The following RALGAPA2 variants were observed in gnomAD, a reference collection of about 807,000 sequenced individuals.
The protein encoded by RALGAPA2 is Ral GTPase activating protein catalytic subunit alpha 2.
Under a neutral mutation model 230.4 loss-of-function variants are expected in RALGAPA2, and 139 were observed. The ratio of observed to expected loss-of-function variants is 0.60; its 90% confidence interval spans 0.53 to 0.69. RALGAPA2 has a LOEUF of 0.69. Ranked by LOEUF, RALGAPA2 falls within the 30% of genes least tolerant of loss-of-function variation. RALGAPA2 has a pLI of 0.00. For missense variants in RALGAPA2, 2,163 were observed against 2,276.0 expected (o/e 0.95, Z 1.01); for synonymous variants, 847 against 837.8 (o/e 1.01, Z -0.19).
At position 20,620,449 on chromosome 20, in the gene RALGAPA2, G is replaced by A; in HGVS notation, c.1401+14C>T. ...TATTTACCCTCAACTCAAAAGACAA[G>A]TGAAAAAAATTACCTCCTTGCTATC... On this transcript the variant is annotated intron_variant, in intron 11 of 39. Transcript: ENST00000202677. 6.2e-7 allele frequency: 1 copy of A among 1,611,786 alleles called. No individual in the cohort carries two copies. The highest frequency in any genetic ancestry group is 2.2e-5 in the East Asian group (1 of 44,846).
At chr20:20,630,092 G>A (rs1397539376) in intron 9 of RALGAPA2, among the ~76,000 whole-genome samples, 3 of 152,132 alleles carry the variant, frequency 2.0e-5, no homozygotes, top group African/African-American at 4.8e-5. Flanking sequence ...TTTATCAGAA[G>A]AATGCTGATC....
At chr20:20,606,329 C>T (rs1392301986) in intron 14 of RALGAPA2, among the ~76,000 whole-genome samples, 1 of 152,174 alleles carries the variant, frequency 6.6e-6, no homozygotes, top group African/African-American at 2.4e-5. Context: ...CTGTGTGCTG[C>T]TGACTTCTGA....
chr20:20,621,534 A>ATTC (rs772743530), intron 10 of RALGAPA2, among the ~76,000 whole-genome samples: 2 of 88,330 alleles, frequency 2.3e-5, no homozygotes, highest in Non-Finnish European at 5.0e-5. Flanking sequence ...TGTTATTATT[A>ATTC]TTTTTTTGAT....
At chr20:20,393,285 G>T in intron 39 of RALGAPA2, 32 bp from the exon 40 acceptor site, 1 of 1,288,528 alleles carries the variant, frequency 7.8e-7, no homozygotes. Flanking sequence ...GCTAAGTCAT[G>T]GAGGCAACGG....
At chr20:20,497,834 T>C (rs768839293) in intron 35 of RALGAPA2, among the ~76,000 whole-genome samples, 2 of 152,232 alleles carry the variant, frequency 1.3e-5, no homozygotes, top group South Asian at 2.1e-4. Flanking sequence ...GGTAATGATA[T>C]GATATTCATC....
At chr20:20,686,255 G>T (rs1452828162) in intron 1 of RALGAPA2, among the ~76,000 whole-genome samples, 2 of 152,118 alleles carry the variant, frequency 1.3e-5, no homozygotes, top group African/African-American at 4.8e-5. Flanking sequence ...CTTAAAAATA[G>T]GGCTAACAGG....
chr20:20,472,963 A>C lies in RALGAPA2; in HGVS notation c.5368-7T>G. On this transcript the variant is annotated splice_region_variant and splice_polypyrimidine_tract_variant and intron_variant, in intron 36 of 39. Transcript: ENST00000202677. ...GAGGCCCAAAAAATGGAACCTGTTGATTTGAAATGGAAAAACAAATTTTAA... is the reference window on the plus strand; with the variant it reads ...GAGGCCCAAAAAATGGAACCTGTTGCTTTGAAATGGAAAAACAAATTTTAA... 5.0e-6 allele frequency: 8 copies of C among 1,589,592 alleles called. No homozygotes were observed. Among genetic ancestry groups the C allele is most frequent in the Non-Finnish European group, 6.8e-6 (8 of 1,172,692 alleles).
At chr20:20,489,037 G>C (rs1459105342) in intron 36 of RALGAPA2, among the ~76,000 whole-genome samples, 1 of 152,226 alleles carries the variant, frequency 6.6e-6, no homozygotes, top group Non-Finnish European at 1.5e-5. Context: ...AAGGCCAGGG[G>C]AAGGGTGACG....
At chr20:20,579,830 T>C (rs892262196) in intron 20 of RALGAPA2, among the ~76,000 whole-genome samples, 4 of 152,190 alleles carry the variant, frequency 2.6e-5, no homozygotes, top group African/African-American at 7.2e-5. Flanking sequence ...CATTGTTTCC[T>C]TGTCAGACCT....
chr20:20,539,446 G>C (rs1485891338), intron 24 of RALGAPA2, among the ~76,000 whole-genome samples: 2 of 151,756 alleles, frequency 1.3e-5, no homozygotes, highest in African/African-American at 2.4e-5. Flanking sequence ...ATTTTGGAAG[G>C]CTACTTTATT....
intron 38 of RALGAPA2, among the ~76,000 whole-genome samples, chr20:20,407,197 T>C (rs2059964723): frequency 6.6e-6 from 1 of 152,210 alleles, no homozygotes; most frequent in Non-Finnish European, 1.5e-5. Flanking sequence ...CATTCTATGA[T>C]GTTCTTTGCT....
intron 9 of RALGAPA2, among the ~76,000 whole-genome samples, chr20:20,633,662 T>C (rs1209303611): frequency 6.6e-6 from 1 of 151,882 alleles, no homozygotes; most frequent in Non-Finnish European, 1.5e-5. Flanking sequence ...TAATTTTTAC[T>C]AGAGATGGGG....
intron 9 of RALGAPA2, among the ~76,000 whole-genome samples, chr20:20,632,319 C>T (rs761704105): frequency 1.3e-5 from 2 of 152,030 alleles, no homozygotes; most frequent in African/African-American, 2.4e-5. Context: ...TGTGAGCCAC[C>T]GTGCCCGGCC....
chr20:20,452,048 TAC>T (rs1418847115), intron 37 of RALGAPA2, among the ~76,000 whole-genome samples: 1 of 152,242 alleles, frequency 6.6e-6, no homozygotes, highest in Non-Finnish European at 1.5e-5. Context: ...GTTCAACTAA[TAC>T]AGTGTCTTCT....
intron 37 of RALGAPA2, among the ~76,000 whole-genome samples, chr20:20,431,650 A>G (rs145653250): frequency 6.0e-4 from 91 of 152,348 alleles, no homozygotes; most frequent in Middle Eastern, 3.4e-3. Context: ...GACTGTAGGT[A>G]ATAATGTATT....
At chr20:20,590,712 G>A (rs2065263058) in intron 17 of RALGAPA2, among the ~76,000 whole-genome samples, 1 of 152,174 alleles carries the variant, frequency 6.6e-6, no homozygotes, top group South Asian at 2.1e-4. Flanking sequence ...TCTCAGCAGA[G>A]TCGGCAAGCT....
chr20:20,595,575 A>G (rs2065427147), intron 16 of RALGAPA2, among the ~76,000 whole-genome samples: 1 of 152,210 alleles, frequency 6.6e-6, no homozygotes, highest in Admixed American at 6.5e-5. Flanking sequence ...CATTACTACT[A>G]TTACAATATT....
chr20:20,467,088 G>C (rs2061435912), intron 37 of RALGAPA2, among the ~76,000 whole-genome samples: 1 of 152,174 alleles, frequency 6.6e-6, no homozygotes, highest in Non-Finnish European at 1.5e-5. Context: ...AACCATACAA[G>C]ACACACAAAG....
chr20:20,629,267 G>A (rs1175135547), intron 10 of RALGAPA2, 96 bp downstream of exon 10: 5 of 968,010 alleles, frequency 5.2e-6, no homozygotes, highest in Non-Finnish European at 7.9e-6. Context: ...ATTTGTTGGC[G>A]TGTTACAAGT....
Sources: allele counts gnomAD v4.1 joint callset (sites outside exome capture counted in the v4.1 genomes callset), GRCh38; gene constraint gnomAD v4.1.1; transcripts MANE v1.5; gene names NCBI Gene and HGNC (gene_info 2026-07-23, HGNC 2026-07-21).